The following SHPK variants were observed in gnomAD, a reference collection of about 807,000 sequenced individuals.
SHPK encodes sedoheptulokinase, also known as carbohydrate kinase-like protein.
In SHPK, 51 loss-of-function variants were observed where a neutral mutation model predicts 46.3. The ratio of observed to expected loss-of-function variants is 1.10; its 90% confidence interval spans 0.88 to 1.39. The LOEUF is 1.39. Ranked by LOEUF, SHPK falls within the 40% of genes most tolerant of loss-of-function variation. The pLI is 0.00. For missense variants in SHPK, 668 were observed against 641.3 expected, an observed-to-expected ratio of 1.04 and a Z score of -0.45; for synonymous variants, 290 against 273.9, an observed-to-expected ratio of 1.06 and a Z score of -0.58.
In SHPK at chr17:3,615,343, C is replaced by A; in HGVS notation, c.1018G>T (p.Asp340Tyr). 1 of 1,614,142 alleles carries A rather than the reference C, an allele frequency of 6.2e-7. No individual in the cohort carries two copies. Among genetic ancestry groups the A allele is most frequent in the South Asian group, 1.1e-5 (1 of 91,082 alleles). Residue 340 changes from aspartate (D) to tyrosine (Y), a missense_variant, in exon 6 of 7, where the codon GAT becomes TAT. Asp to Tyr is a radical substitution (Grantham distance 160, BLOSUM62 -3). Coordinates refer to ENST00000225519, the MANE Select transcript of SHPK (RefSeq NM_013276.4). ...TGTGTGGGCCACACCTTACCTAGAT[C>A]TGCCATCCACTGAACCAGCATGTGG... is the stretch of plus-strand genomic sequence containing the variant. Reference protein sequence around the residue: ...FVHMLVQWMADLGLEVEESTV... With the variant: ...FVHMLVQWMAYLGLEVEESTV...
rs35009244 is a variant in SHPK, at chr17:3,614,847, CA to C, written c.1024+489del. On this transcript the variant is annotated intron_variant, in intron 6 of 6. Coordinates refer to ENST00000225519, the MANE Select transcript of SHPK (RefSeq NM_013276.4). ...TGGGTGACAGAGCGAGACTCCGTCT[CA>C]AAAAAAAAAAAAAAGAAGAAGAAGA... is the stretch of plus-strand genomic sequence containing the variant. Among the ~76,000 whole-genome samples, 247 of 91,700 alleles carry C rather than the reference CA, an allele frequency of 2.7e-3. 1 individual carries two copies. Among genetic ancestry groups the C allele is most frequent in the East Asian group, 0.012 (49 of 3,946 alleles). The allele number at this position is 91,700 out of a possible 152,430, so 60.2% of individuals were successfully genotyped here. A position where few individuals can be genotyped will look rare whatever the true frequency, so the allele number is the denominator to read the frequency against.
intron 2 of SHPK, among the ~76,000 whole-genome samples, chr17:3,624,718 A>C (rs1351018666): frequency 6.6e-6 from 1 of 152,072 alleles, no homozygotes; most frequent in Non-Finnish European, 1.5e-5. Flanking sequence ...CAGTGGCATG[A>C]TCCCGGCTCA....
chr17:3,612,192 A>G (rs2075344480), intron 6 of SHPK, among the ~76,000 whole-genome samples: 1 of 152,060 alleles, frequency 6.6e-6, no homozygotes, highest in Admixed American at 6.6e-5. Flanking sequence ...TTGGGAGGTC[A>G]AGACAGGCGG....
At chr17:3,616,730 GTTGCTTTTGTTT>G (rs1166076865) in intron 5 of SHPK, among the ~76,000 whole-genome samples, 6 of 152,050 alleles carry the variant, frequency 3.9e-5, no homozygotes, top group Non-Finnish European at 4.4e-5. Context: ...TCTTTTTGTT[GTTGCTTTTGTTT>G]TTGCTTTTGT....
intron 4 of SHPK, among the ~76,000 whole-genome samples, chr17:3,621,900 G>A (rs1292888344): frequency 2.0e-5 from 3 of 151,792 alleles, no homozygotes; most frequent in Admixed American, 6.6e-5. Context: ...TCGTTCACCC[G>A]CTTCAGCCTC....
chr17:3,635,125 T>C (rs1481682993), intron 1 of SHPK, among the ~76,000 whole-genome samples: 1 of 148,388 alleles, frequency 6.7e-6, no homozygotes, highest in Non-Finnish European at 1.5e-5. Context: ...TGAGCCCAGA[T>C]CACGCCACTG....
intron 5 of SHPK, 139 bp downstream of exon 5, chr17:3,621,098 T>C (rs2075397448): frequency 1.3e-6 from 1 of 754,504 alleles, no homozygotes; most frequent in South Asian, 2.2e-5. Context: ...CAAGGGTGCT[T>C]TTCATCTTTA....
Position 3,610,867 on chromosome 17 carries a change from T to C in SHPK, c.1130A>G (p.His377Arg), listed in dbSNP as rs370203316. 22 of 1,613,928 alleles carry C rather than the reference T, an allele frequency of 1.4e-5. No homozygotes were observed. In the African/African-American group the frequency reaches 2.9e-4, roughly 22 times the overall value. The change falls in exon 7 of 7, where the codon CAC (histidine) becomes CGC (arginine). Residue 377 changes from histidine to arginine, a missense_variant. Transcript: ENST00000225519. ...TITPTVLGER[H>R]LPDQLASVTR... ...CACTGAGGCCAGCTGGTCCGGCAGG[T>C]GCCTCTCCCCCAGCACTGTCGGGGT... is the stretch of plus-strand genomic sequence containing the variant.
At chr17:3,622,471 A>G (rs2075408806) in intron 4 of SHPK, 1 of 490,592 alleles carries the variant, frequency 2.0e-6, no homozygotes, top group African/African-American at 2.1e-5. Context: ...CCTGAATATC[A>G]AACGTGTTAG....
intron 5 of SHPK, among the ~76,000 whole-genome samples, 197 bp downstream of exon 5, chr17:3,621,040 C>T (rs2075397115): frequency 6.6e-6 from 1 of 152,210 alleles, no homozygotes. Flanking sequence ...ACAGAACTTG[C>T]CCTGCTGGCC....
At chr17:3,617,830 G>A (rs955110179) in intron 5 of SHPK, among the ~76,000 whole-genome samples, 2 of 152,064 alleles carry the variant, frequency 1.3e-5, no homozygotes, top group African/African-American at 4.8e-5. Context: ...AAATTAAAAA[G>A]GAGAACTAGA....
At chr17:3,611,109 A>C (rs912091591) in intron 6 of SHPK, 137 bp from the exon 7 acceptor site, 10 of 818,450 alleles carry the variant, frequency 1.2e-5, no homozygotes, top group Non-Finnish European at 1.7e-5. Context: ...TTCTGGGCTC[A>C]GGGACTGCTA....
intron 1 of SHPK, among the ~76,000 whole-genome samples, chr17:3,630,688 C>T (rs1309743934): frequency 6.6e-6 from 1 of 152,182 alleles, no homozygotes; most frequent in Non-Finnish European, 1.5e-5. Flanking sequence ...CATGATGAAA[C>T]CCCGTCTCTA....
chr17:3,619,796 C>A, intron 5 of SHPK: 1 of 453,806 alleles, frequency 2.2e-6, no homozygotes, highest in Non-Finnish European at 4.3e-6. Context: ...TCACTTAATT[C>A]TGACCATCCT....
At chr17:3,626,981 T>C (rs2075442390) in intron 2 of SHPK, among the ~76,000 whole-genome samples, 1 of 152,172 alleles carries the variant, frequency 6.6e-6, no homozygotes, top group Admixed American at 6.5e-5. Flanking sequence ...TTTCTTACCA[T>C]CCAATGGGTG....
In SHPK at chr17:3,610,542, G is replaced by A; in HGVS notation, c.*18C>T. ...CAGGTAAAATTCACAGCAGTCGTTT[G>A]GCGAAAGAGTTTGCTGTCTAAGATT... On this transcript the variant is annotated 3_prime_UTR_variant, in exon 7 of 7. Coordinates refer to ENST00000225519, the MANE Select transcript of SHPK (RefSeq NM_013276.4). The A allele has an allele frequency of 6.3e-7, 1 of 1,579,552 alleles. No individual in the cohort carries two copies. Among genetic ancestry groups the A allele is most frequent in the South Asian group, 1.1e-5 (1 of 87,778 alleles).
intron 5 of SHPK, among the ~76,000 whole-genome samples, chr17:3,620,189 A>C (rs1394688867): frequency 4.6e-5 from 7 of 152,184 alleles, no homozygotes; most frequent in Non-Finnish European, 1.0e-4. Flanking sequence ...TAAAAGAGCC[A>C]ATCCCTGCCC....
chr17:3,636,184 C>T lies in SHPK; in HGVS notation c.36G>A (p.Leu12=). ...AARPITLGID[L]GTTSVKAALL... is the part of the protein sequence containing the mutation. Reference sequence around the variant, plus strand: ...GAGCTGCCTTCACAGATGTGGTGCCCAGGTCAATGCCGAGGGTGATCGGCC... The same window carrying T: ...GAGCTGCCTTCACAGATGTGGTGCCTAGGTCAATGCCGAGGGTGATCGGCC... The change falls in exon 1 of 7, where the codon CTG becomes CTA. Residue 12 remains leucine (L), a synonymous_variant. Transcript: ENST00000225519. 1 of 1,610,214 alleles carries T rather than the reference C, an allele frequency of 6.2e-7. No individual in the cohort carries two copies. The highest frequency in any genetic ancestry group is 8.5e-7 in the Non-Finnish European group (1 of 1,177,636).
At chr17:3,631,312 G>A (rs1227351373) in intron 1 of SHPK, among the ~76,000 whole-genome samples, 1 of 151,560 alleles carries the variant, frequency 6.6e-6, no homozygotes, top group East Asian at 1.9e-4. Context: ...ATCACCAGAG[G>A]GAGGAAAGAA....
Sources: gnomAD v4.1 joint callset for allele counts (sites outside exome capture counted in the v4.1 genomes callset) on GRCh38, gnomAD v4.1.1 for gene constraint, MANE v1.5 for transcripts, NCBI Gene and HGNC (gene_info 2026-07-23, HGNC 2026-07-21) for gene names.